The following DOCK8 variants were observed in gnomAD, a reference collection of about 807,000 sequenced individuals.
DOCK8 encodes dedicator of cytokinesis 8.
In DOCK8, 141 loss-of-function variants were observed where a neutral mutation model predicts 245.6. The ratio of observed to expected loss-of-function variants is 0.57; its 90% CI spans 0.50 to 0.66. The LOEUF is 0.66. Among genes scored for constraint, DOCK8 ranks in the 30% least tolerant of loss-of-function variants. DOCK8 has a pLI of 0.00. For missense variants in DOCK8, 2,965 were observed against 2,603.4 expected (o/e 1.14, Z -3.02); for synonymous variants, 1,168 against 970.2 (o/e 1.20, Z -3.79).
At position 332,138 on chromosome 9, in the gene DOCK8, C is replaced by T. The variant is rs2051040867; in HGVS notation, c.1045-260C>T. 2.6e-5 allele frequency among the ~76,000 whole-genome samples: 4 copies of T among 152,076 alleles called. No homozygotes were observed. The South Asian group carries it at 8.3e-4, about 31-fold the overall frequency. ...GAAGAAAATAAAAATCACACATAAT[C>T]CCACCATAGAAAGTTAACTACTATT... On this transcript the variant is annotated intron_variant, in intron 9 of 47. Transcript: ENST00000432829.
chr9:400,140 C>T (rs1201091144), intron 26 of DOCK8, among the ~76,000 whole-genome samples: 16 of 106,618 alleles, frequency 1.5e-4, no homozygotes, highest in Admixed American at 7.7e-4. Context: ...CCATCACCAC[C>T]ACCTCCACCA....
intron 27 of DOCK8, among the ~76,000 whole-genome samples, chr9:405,331 T>G (rs1179888808): frequency 6.6e-6 from 1 of 152,202 alleles, no homozygotes; most frequent in Non-Finnish European, 1.5e-5. Context: ...CCTATGAAAT[T>G]TAGAAACTCA....
intron 1 of DOCK8, among the ~76,000 whole-genome samples, chr9:229,762 G>C (rs1007689767): frequency 6.6e-6 from 1 of 152,122 alleles, no homozygotes; most frequent in Admixed American, 6.5e-5. Flanking sequence ...GGTGCTGTGG[G>C]CAGTCTTAGA....
rs139814644 is a variant in DOCK8, at chr9:319,906, G to A, written c.827+2778G>A. Among the ~76,000 whole-genome samples, 815 of 152,282 alleles carry A rather than the reference G, an allele frequency of 5.4e-3. 19 individuals carry two copies. Among genetic ancestry groups the A allele is most frequent in the Non-Finnish European group, 1.2e-3 (82 of 68,026 alleles). The stretch of plus-strand genomic sequence containing the variant: ...TCAGCTCTTAGGAGTCTTCTTGATG[G>A]TGAAACTTTAATGTGCAGAAAATTT... On this transcript the variant is annotated intron_variant, in intron 7 of 47. Coordinates refer to ENST00000432829, the MANE Select transcript of DOCK8 (RefSeq NM_203447.4).
In DOCK8 at chr9:377,027, G is replaced by A; in HGVS notation, c.2256G>A (p.Gln752=). ...CCCTCTGCCACTCCCTGGAGAGCCAGGTGACCTTCCCCATCCGCGTGCTGG... is the reference window on the plus strand; with the variant it reads ...CCCTCTGCCACTCCCTGGAGAGCCAAGTGACCTTCCCCATCCGCGTGCTGG... ...FFTLCHSLES[Q]VTFPIRVLDQ... is the part of the protein sequence containing the mutation. The change falls in exon 20 of 48, where the codon CAG becomes CAA. Residue 752 remains glutamine, a synonymous_variant. Transcript: ENST00000432829. 5 of 1,614,042 alleles carry A rather than the reference G, an allele frequency of 3.1e-6. No homozygotes were observed. Among genetic ancestry groups the A allele is most frequent in the Non-Finnish European group, 4.2e-6 (5 of 1,180,014 alleles).
At chr9:221,581 G>A (rs778282620) in intron 1 of DOCK8, among the ~76,000 whole-genome samples, 1 of 151,964 alleles carries the variant, frequency 6.6e-6, no homozygotes, top group African/African-American at 2.4e-5. Flanking sequence ...GGAGGCCAAG[G>A]TGAGTGGATC....
At chr9:346,645 T>C (rs776763252) in intron 14 of DOCK8, among the ~76,000 whole-genome samples, 3 of 152,146 alleles carry the variant, frequency 2.0e-5, no homozygotes, top group African/African-American at 7.2e-5. Context: ...CTCTGATGGA[T>C]AATTAGCTGT....
intron 1 of DOCK8, among the ~76,000 whole-genome samples, chr9:217,058 G>A (rs138632696): frequency 6.6e-6 from 1 of 152,186 alleles, no homozygotes; most frequent in African/African-American, 2.4e-5. Context: ...ATGAATAATA[G>A]GTACAAAGTC....
At chr9:339,526 G>GT (rs1041536969) in intron 13 of DOCK8, among the ~76,000 whole-genome samples, 3 of 151,968 alleles carry the variant, frequency 2.0e-5, no homozygotes, top group Non-Finnish European at 4.4e-5. Context: ...GTTTGTTTTT[G>GT]TTTTTTTGAG....
Position 239,203 on chromosome 9 carries a change from A to G in DOCK8, c.53+24174A>G, listed in dbSNP as rs943972268. Among the ~76,000 whole-genome samples, 22 of 152,106 alleles carry G rather than the reference A, an allele frequency of 1.4e-4. 1 individual carries two copies. The highest frequency in any genetic ancestry group is 4.6e-4 in the African/African-American group (19 of 41,410). ...ATTTATCCCTCTGAAACACATACACACACGCATGGCCGCACACACACGTGC... is the reference window on the plus strand; with the variant it reads ...ATTTATCCCTCTGAAACACATACACGCACGCATGGCCGCACACACACGTGC... On this transcript the variant is annotated intron_variant, in intron 1 of 47. Coordinates refer to ENST00000432829, the MANE Select transcript of DOCK8 (RefSeq NM_203447.4).
intron 1 of DOCK8, among the ~76,000 whole-genome samples, chr9:264,900 T>C (rs568444568): frequency 3.3e-5 from 5 of 152,354 alleles, no homozygotes; most frequent in East Asian, 3.9e-4. Context: ...TCAGTTTTTC[T>C]ACATGCAACA....
chr9:344,894 A>T (rs994296960), intron 14 of DOCK8, among the ~76,000 whole-genome samples: 21 of 152,098 alleles, frequency 1.4e-4, no homozygotes, highest in African/African-American at 5.1e-4. Flanking sequence ...TCTACTAAAA[A>T]TACAAAAAGT....
At chr9:356,153 G>A (rs912173965) in intron 14 of DOCK8, among the ~76,000 whole-genome samples, 1 of 152,164 alleles carries the variant, frequency 6.6e-6, no homozygotes, top group Non-Finnish European at 1.5e-5. Context: ...GGGTTCCAAG[G>A]ACAGTGGCTG....
rs1247675117 is a variant in DOCK8 at position 312,303 on chromosome 9, T to C, written c.741+137T>C. 3.0e-6 allele frequency: 3 copies of C among 1,006,898 alleles called. No individual in the cohort carries two copies. In the Admixed American group the frequency reaches 6.0e-5, roughly 20 times the overall value. 62.4% of individuals were successfully genotyped at this position (1,006,898 alleles called of 1,614,324 possible). A position where few individuals can be genotyped will look rare whatever the true frequency, so the allele number is the denominator to read the frequency against. ...TTGTATGATTTCTGGGGCCTCGTTT[T>C]TCACTCAGGCAAGCCTGTGTGTCAT... On this transcript the variant is annotated intron_variant, in intron 6 of 47. Transcript: ENST00000432829.
At chr9:365,065 A>G (rs1450925307) in intron 14 of DOCK8, among the ~76,000 whole-genome samples, 1 of 152,256 alleles carries the variant, frequency 6.6e-6, no homozygotes, top group Non-Finnish European at 1.5e-5. Context: ...GCATGGGAGA[A>G]TGATGAAAGA....
intron 25 of DOCK8, among the ~76,000 whole-genome samples, chr9:398,356 C>T (rs1409343976): frequency 6.6e-6 from 1 of 152,152 alleles, no homozygotes; most frequent in Non-Finnish European, 1.5e-5. Context: ...CTTGACTGGT[C>T]AGCATGGCCT....
At chr9:330,200 AT>A (rs962910510) in intron 9 of DOCK8, among the ~76,000 whole-genome samples, 30 of 152,058 alleles carry the variant, frequency 2.0e-4, no homozygotes, top group African/African-American at 7.0e-4. Context: ...ATTTTGTGAA[AT>A]TTTTTTTTAA....
rs370442720 is a variant in DOCK8 at position 427,484 on chromosome 9, C to T, written c.4338+503C>T. On this transcript the variant is annotated intron_variant, in intron 34 of 47. Coordinates refer to ENST00000432829, the MANE Select transcript of DOCK8 (RefSeq NM_203447.4). The stretch of plus-strand genomic sequence containing the variant: ...CATTTGTACCATGAATTTGCCATCC[C>T]TGCTGTAGAAAAATATAGCTTTGTG... Among the ~76,000 whole-genome samples, 252 of 152,272 alleles carry T rather than the reference C, an allele frequency of 1.7e-3. 1 individual carries two copies. The highest frequency in any genetic ancestry group is 5.0e-3 in the South Asian group (24 of 4,818).
chr9:249,574 T>C (rs541013350), intron 1 of DOCK8, among the ~76,000 whole-genome samples: 18 of 152,324 alleles, frequency 1.2e-4, no homozygotes, highest in African/African-American at 4.3e-4. Flanking sequence ...TTACTCTTAA[T>C]AGTTTAGCAT....
Sources: gnomAD v4.1 joint callset for allele counts (sites outside exome capture counted in the v4.1 genomes callset) on GRCh38, gnomAD v4.1.1 for gene constraint, MANE v1.5 for transcripts, NCBI Gene and HGNC (gene_info 2026-07-23, HGNC 2026-07-21) for gene names.